The following PDIA6 variants were observed in gnomAD, a reference collection of about 807,000 sequenced individuals.
PDIA6 encodes protein disulfide isomerase family A member 6.
In PDIA6, 29 loss-of-function variants were observed where a neutral mutation model predicts 58.4. The ratio of observed to expected loss-of-function variants is 0.50; its 90% CI spans 0.37 to 0.68. The LOEUF (loss-of-function observed/expected upper bound fraction) is 0.68, where lower values mean the gene tolerates loss of function less well. Ranked by LOEUF, PDIA6 falls within the 30% of genes least tolerant of loss-of-function variation. The pLI is 0.00. For synonymous variants in PDIA6, 192 were observed against 202.6 expected (o/e 0.95, Z 0.44); for missense variants, 480 against 551.0 (o/e 0.87, Z 1.29).
chr2:10,789,395 T>G (rs1286004627), intron 8 of PDIA6, among the ~76,000 whole-genome samples: 2 of 146,732 alleles, frequency 1.4e-5, no homozygotes, highest in Non-Finnish European at 3.0e-5. Flanking sequence ...AGTGTTCATG[T>G]GAGAATTAAA....
intron 8 of PDIA6, 127 bp from the exon 9 acceptor site, chr2:10,789,108 G>C (rs149020145): frequency 1.4e-6 from 1 of 698,696 alleles, no homozygotes; most frequent in Non-Finnish European, 2.6e-6. Flanking sequence ...CTACTTCCTC[G>C]TATGGAAACA....
chr2:10,812,714 G>C lies in PDIA6; in HGVS notation c.-18C>G. ...AGAGCCATGCCGAGCGCCGGGCTAC[G>C]TGCAGTCCCCACCGCCGCCGCCGCT... On this transcript the variant is annotated 5_prime_UTR_variant, in exon 1 of 13. Transcript: ENST00000272227. 6.6e-7 allele frequency: 1 copy of C among 1,514,120 alleles called. No homozygotes were observed. Among genetic ancestry groups the C allele is most frequent in the Non-Finnish European group, 8.8e-7 (1 of 1,133,906 alleles). 93.8% of individuals were successfully genotyped at this position (1,514,120 alleles called of 1,614,324 possible). A position where few individuals can be genotyped will look rare whatever the true frequency, so the allele number is the denominator to read the frequency against.
Position 10,803,911 on chromosome 2 carries a change from G to GTTTTTTT in PDIA6, c.20-1278_20-1272dup, listed in dbSNP as rs754643092. Among the ~76,000 whole-genome samples, 686 of 117,868 alleles carry GTTTTTTT rather than the reference G, an allele frequency of 5.8e-3. 20 individuals are homozygous for GTTTTTTT. The highest frequency in any genetic ancestry group is 0.018 in the African/African-American group (629 of 34,528). 77.3% of individuals were successfully genotyped at this position (117,868 alleles called of 152,430 possible). ...TGCGTGTTTGTGTCCTAGTTTTTGT[G>GTTTTTTT]TTTTTTTTTTTTTTTGAGACAGAGT... On this transcript the variant is annotated intron_variant, in intron 1 of 12. Transcript: ENST00000272227.
chr2:10,836,644 A>C (rs1488417962), upstream of PDIA6, among the ~76,000 whole-genome samples: 1 of 150,858 alleles, frequency 6.6e-6, no homozygotes, highest in African/African-American at 2.4e-5. Context: ...AGTTTGTGTA[A>C]CCCCCCCAGC....
At chr2:10,802,773 C>T in intron 1 of PDIA6, 133 bp from the exon 2 acceptor site, 2 of 546,160 alleles carry the variant, frequency 3.7e-6, no homozygotes, top group Non-Finnish European at 5.8e-6. Flanking sequence ...GGCCCCTCTG[C>T]CCTTCCTGCT....
At chr2:10,804,188 G>A (rs548539389) in intron 1 of PDIA6, among the ~76,000 whole-genome samples, 3 of 152,030 alleles carry the variant, frequency 2.0e-5, no homozygotes, top group South Asian at 2.1e-4. Context: ...GATTACAGGC[G>A]TGAGCCACCG....
upstream of PDIA6, among the ~76,000 whole-genome samples, chr2:10,837,174 T>A (rs564588980): frequency 6.6e-6 from 1 of 152,284 alleles, no homozygotes; most frequent in African/African-American, 2.4e-5. Context: ...CTGTTTCCCA[T>A]GAGTGCGGCC....
chr2:10,810,550 C>A, intron 1 of PDIA6: 1 of 761,554 alleles, frequency 1.3e-6, no homozygotes, highest in Non-Finnish European at 1.7e-6. Context: ...GGTGAGGGAC[C>A]TTTGTTTGTC....
chr2:10,798,876 T>C (rs1336304139), intron 2 of PDIA6, among the ~76,000 whole-genome samples: 1 of 152,234 alleles, frequency 6.6e-6, no homozygotes, highest in Non-Finnish European at 1.5e-5. Flanking sequence ...CAACTATGCC[T>C]ATATCTCAAT....
At chr2:10,804,873 G>A (rs1165217195) in intron 1 of PDIA6, among the ~76,000 whole-genome samples, 14 of 133,096 alleles carry the variant, frequency 1.1e-4, no homozygotes, top group Non-Finnish European at 2.2e-4. Context: ...AGTTCTCCTT[G>A]AAGAGGTCCT....
chr2:10,828,347 T>C (rs1253551313), intron 1 of PDIA6, among the ~76,000 whole-genome samples: 26 of 152,198 alleles, frequency 1.7e-4, no homozygotes, highest in Admixed American at 1.7e-3. Context: ...GGAAGTAGTT[T>C]CAGAGGGTGA....
chr2:10,825,162 G>A lies in PDIA6; in HGVS notation c.-47-5808C>T, dbSNP rs1667515075. ...TCCAAGTTCTTCAGTTTTGGGACTT[G>A]GACTGGCTCTCCTTACTCCTCAGCC... On this transcript the variant is annotated intron_variant, in intron 1 of 13. Transcript: ENST00000381611. Among the ~76,000 whole-genome samples the A allele has an allele frequency of 2.6e-5, 4 of 152,146 alleles. No individual in the cohort carries two copies. In the South Asian group the frequency reaches 8.3e-4, roughly 32 times the overall value.
chr2:10,833,958 T>C (rs1667766355), upstream of PDIA6, among the ~76,000 whole-genome samples: 1 of 152,248 alleles, frequency 6.6e-6, no homozygotes, highest in Admixed American at 6.5e-5. Context: ...GTGCTCTCTG[T>C]GTTTCTCTTA....
intron 10 of PDIA6, 82 bp downstream of exon 10, chr2:10,788,615 C>A (rs897736059): frequency 6.4e-6 from 6 of 939,198 alleles, no homozygotes; most frequent in Non-Finnish European, 1.0e-5. Context: ...ACACAGCTTA[C>A]AAAAACACGG....
At chr2:10,828,817 G>A (rs1292899591) in intron 1 of PDIA6, among the ~76,000 whole-genome samples, 9 of 152,212 alleles carry the variant, frequency 5.9e-5, no homozygotes, top group Non-Finnish European at 8.8e-5. Flanking sequence ...TCTGGCCCCC[G>A]GGTCACAAGT....
intron 1 of PDIA6, among the ~76,000 whole-genome samples, chr2:10,830,775 C>A (rs1455824468): frequency 2.0e-5 from 3 of 152,202 alleles, no homozygotes; most frequent in Non-Finnish European, 4.4e-5. Context: ...CGTGGCTGTG[C>A]CCCTGGACAC....
At chr2:10,810,397 C>A in intron 1 of PDIA6, 4 of 1,466,756 alleles carry the variant, frequency 2.7e-6, no homozygotes, top group Non-Finnish European at 3.6e-6. Flanking sequence ...TCAGTCCTCT[C>A]CTCTTCATGC....
chr2:10,828,863 G>A (rs994327691), intron 1 of PDIA6, among the ~76,000 whole-genome samples: 2 of 152,302 alleles, frequency 1.3e-5, no homozygotes, highest in African/African-American at 4.8e-5. Flanking sequence ...GGGGCACTCC[G>A]GAAGCCTGGG....
At chr2:10,832,854 C>T (rs1438540407), upstream of PDIA6, among the ~76,000 whole-genome samples, 1 of 152,158 alleles carries the variant, frequency 6.6e-6, no homozygotes, top group Non-Finnish European at 1.5e-5. Flanking sequence ...GTGAGGATCA[C>T]CTGGGCCCCC....
Sources: gnomAD v4.1 joint callset for allele counts (sites outside exome capture counted in the v4.1 genomes callset) on GRCh38, gnomAD v4.1.1 for gene constraint, MANE v1.5 for transcripts, NCBI Gene and HGNC (gene_info 2026-07-23, HGNC 2026-07-21) for gene names.